POF1B: variants seen among roughly 807,000 people sequenced by gnomAD.
POF1B encodes POF1B actin binding protein, also known as protein POF1B.
Under a neutral mutation model 55.3 loss-of-function variants are expected in POF1B, and 53 were observed. The observed-to-expected ratio is 0.96, with a 90% CI of 0.77 to 1.20. The LOEUF (loss-of-function observed/expected upper bound fraction) is 1.20, where lower values mean the gene tolerates loss of function less well. Ranked by LOEUF, POF1B falls within the 50% of genes most tolerant of loss-of-function variation. POF1B has a pLI of 0.00. For missense variants in POF1B, 478 were observed against 420.5 expected (o/e 1.14, Z -1.20); for synonymous variants, 188 against 148.3 (o/e 1.27, Z -1.95).
intron 6 of POF1B, among the ~76,000 whole-genome samples, chrX:85,336,322 C>A (rs1933073531): frequency 9.0e-6 from 1 of 110,513 alleles, no homozygotes; most frequent in Non-Finnish European, 1.9e-5. Context: ...TGTATATACC[C>A]AGCAGTGGAA....
chrX:85,362,800 T>C (rs918349097), intron 3 of POF1B, among the ~76,000 whole-genome samples: 3 of 111,406 alleles, frequency 2.7e-5, no homozygotes, highest in African/African-American at 9.8e-5. Flanking sequence ...CAATTTTTTG[T>C]AGTACTTTCA....
chrX:85,359,582 T>C lies in POF1B; in HGVS notation c.406A>G (p.Ile136Val). ...GGATTTTGTACTACATATTTCCTAA[T>C]AGTGGTCTGTGGATATGTAGTAAGT... The part of the protein sequence containing the change: ...VKLTTYPQTT[I>V]RKYVVQNPEQ... Residue 136 changes from isoleucine (I) to valine (V), a missense_variant, in exon 4 of 17, where the codon ATT becomes GTT. By Grantham distance (29) the Ile-to-Val change is conservative (BLOSUM62 3). Coordinates refer to ENST00000262753, the MANE Select transcript of POF1B (RefSeq NM_024921.4). 2 of 1,202,985 alleles carry C rather than the reference T, an allele frequency of 1.7e-6. No individual in the cohort carries two copies. Among genetic ancestry groups the C allele is most frequent in the Non-Finnish European group, 2.2e-6 (2 of 890,514 alleles).
chrX:85,378,043 A>G (rs1933950063), intron 2 of POF1B, among the ~76,000 whole-genome samples: 1 of 111,966 alleles, frequency 8.9e-6, no homozygotes, highest in Admixed American at 9.5e-5. Context: ...TAGCATCTCA[A>G]TATGAATATT....
chrX:85,330,046 ACTTTC>A (rs1932950035), intron 7 of POF1B, among the ~76,000 whole-genome samples: 2 of 109,734 alleles, frequency 1.8e-5, no homozygotes, highest in Non-Finnish European at 3.8e-5. Flanking sequence ...TATTCTATTG[ACTTTC>A]CTTTATCTTC....
chrX:85,296,976 C>G (rs1301865000), intron 15 of POF1B, among the ~76,000 whole-genome samples: 1 of 111,711 alleles, frequency 9.0e-6, no homozygotes, highest in Non-Finnish European at 1.9e-5. Context: ...AAGATTCTGT[C>G]TTCAAGCTCC....
chrX:85,308,939 A>G (rs1384732113), intron 9 of POF1B, among the ~76,000 whole-genome samples: 1 of 111,256 alleles, frequency 9.0e-6, no homozygotes, highest in African/African-American at 3.3e-5. Context: ...TGGCCTCCTA[A>G]AGTGCTGGGA....
chrX:85,335,284 G>T (rs920238007), intron 6 of POF1B, among the ~76,000 whole-genome samples: 1 of 111,395 alleles, frequency 9.0e-6, no homozygotes, highest in Admixed American at 9.6e-5. Context: ...CTGCTGCATG[G>T]CAATGGAAAA....
chrX:85,296,093 C>A (rs1180705649), intron 15 of POF1B, among the ~76,000 whole-genome samples: 1 of 111,962 alleles, frequency 8.9e-6, no homozygotes, highest in Non-Finnish European at 1.9e-5. Flanking sequence ...CAAGATAGAT[C>A]TTTCTCTATC....
intron 6 of POF1B, among the ~76,000 whole-genome samples, chrX:85,344,657 A>G (rs976247494): frequency 8.9e-6 from 1 of 111,909 alleles, no homozygotes; most frequent in Non-Finnish European, 1.9e-5. Flanking sequence ...TTATGGTTAT[A>G]TCTAATACAC....
At chrX:85,285,369 C>A (rs1932024656) in intron 15 of POF1B, among the ~76,000 whole-genome samples, 1 of 110,878 alleles carries the variant, frequency 9.0e-6, no homozygotes. Context: ...TATTGTGGCA[C>A]TATTCACAAC....
intron 4 of POF1B, among the ~76,000 whole-genome samples, chrX:85,356,322 G>A (rs978127615): frequency 4.6e-4 from 50 of 107,654 alleles, no homozygotes; most frequent in African/African-American, 1.7e-3. Context: ...GGTGGAGGGA[G>A]GGGGGGATAG....
At chrX:85,299,450 G>A (rs1454861740) in intron 15 of POF1B, among the ~76,000 whole-genome samples, 1 of 104,611 alleles carries the variant, frequency 9.6e-6, no homozygotes, top group African/African-American at 3.6e-5. Flanking sequence ...TACCACGCCT[G>A]GCTAATTTTT....
At chrX:85,364,867 G>C (rs1933689101) in intron 3 of POF1B, among the ~76,000 whole-genome samples, 1 of 111,946 alleles carries the variant, frequency 8.9e-6, no homozygotes, top group Non-Finnish European at 1.9e-5. Context: ...CTTTCTCCCT[G>C]TCCCTTTCAG....
intron 3 of POF1B, among the ~76,000 whole-genome samples, chrX:85,361,033 A>T (rs1478657919): frequency 9.0e-6 from 1 of 111,298 alleles, no homozygotes; most frequent in African/African-American, 3.3e-5. Flanking sequence ...TTCTTTTGAG[A>T]AGTGTCTGTT....
At chrX:85,315,566 G>T in intron 8 of POF1B, 141 bp downstream of exon 8, 1 of 367,282 alleles carries the variant, frequency 2.7e-6, no homozygotes, top group Non-Finnish European at 4.5e-6. Flanking sequence ...TAATTTTAAA[G>T]GCAAAATGGC....
At chrX:85,282,164 A>T in intron 16 of POF1B, 39 bp downstream of exon 16, 1 of 1,158,595 alleles carries the variant, frequency 8.6e-7, no homozygotes, top group Non-Finnish European at 1.1e-6. Context: ...CTGTACATAT[A>T]TCGTCAAAAT....
At chrX:85,339,894 G>A (rs1392417371) in intron 6 of POF1B, among the ~76,000 whole-genome samples, 3 of 111,181 alleles carry the variant, frequency 2.7e-5, no homozygotes, top group East Asian at 2.8e-4. Context: ...AACCAAAATC[G>A]TGGTCCCTGG....
At chrX:85,360,527 G>GTATATATATATATATATATATA (rs142665633) in intron 3 of POF1B, among the ~76,000 whole-genome samples, 4 of 58,522 alleles carry the variant, frequency 6.8e-5, no homozygotes, top group African/African-American at 4.2e-4. Context: ...TCCATGGTAT[G>GTATATATATATATATATATATA]TATATATATA....
intron 9 of POF1B, among the ~76,000 whole-genome samples, chrX:85,313,564 T>C (rs941674390): frequency 8.9e-6 from 1 of 112,034 alleles, no homozygotes; most frequent in African/African-American, 3.2e-5. Context: ...GATATGCTGC[T>C]GGATTCAGTT....
Sources: allele counts gnomAD v4.1 joint callset (sites outside exome capture counted in the v4.1 genomes callset), GRCh38; gene constraint gnomAD v4.1.1; transcripts MANE v1.5; gene names NCBI Gene and HGNC (gene_info 2026-07-23, HGNC 2026-07-21).